UGT1A6: variants seen among roughly 807,000 people sequenced by gnomAD.
UGT1A6 encodes the protein UDP glucuronosyltransferase family 1 member A6.
A neutral mutation model predicts 44.4 loss-of-function variants in UGT1A6; 32 were observed. The ratio of observed to expected loss-of-function variants is 0.72; its 90% CI spans 0.54 to 0.97. The LOEUF is 0.97. UGT1A6 is among the 50% of genes least tolerant of loss of function. The pLI, the probability that UGT1A6 is intolerant of heterozygous loss-of-function variation, is 0.00. For synonymous variants in UGT1A6, 238 were observed against 248.5 expected (o/e 0.96, Z 0.40); for missense variants, 685 against 661.9 (o/e 1.03, Z -0.38).
intron 1 of UGT1A6, among the ~76,000 whole-genome samples, chr2:233,744,443 C>T (rs1003987688): frequency 1.2e-4 from 18 of 151,818 alleles, no homozygotes; most frequent in African/African-American, 3.9e-4. Flanking sequence ...ATACGTACTG[C>T]ATTAGAGATT....
Position 233,758,775 on chromosome 2 carries a change from G to C in UGT1A6, c.862-8259G>C, listed in dbSNP as rs534171239. Among the ~76,000 whole-genome samples the C allele has an allele frequency of 2.6e-5, 4 of 152,252 alleles. No individual in the cohort carries two copies. In the East Asian group the frequency reaches 7.7e-4, roughly 29 times the overall value. On this transcript the variant is annotated intron_variant, in intron 1 of 4. Coordinates refer to ENST00000305139, the MANE Select transcript of UGT1A6 (RefSeq NM_001072.4). ...AGTGATGTGTATGGTTCAAATGTTGGGATCTGTGCAGTTATCTTGGAATTG... is the reference window on the plus strand; with the variant it reads ...AGTGATGTGTATGGTTCAAATGTTGCGATCTGTGCAGTTATCTTGGAATTG...
At chr2:233,710,596 A>G (rs1219828092) in intron 1 of UGT1A6, among the ~76,000 whole-genome samples, 2 of 152,016 alleles carry the variant, frequency 1.3e-5, no homozygotes, top group Non-Finnish European at 2.9e-5. Context: ...GCACACCTTT[A>G]TTGGTTTGTT....
chr2:233,733,661 T>C (rs1200789776), intron 1 of UGT1A6, among the ~76,000 whole-genome samples: 1 of 152,240 alleles, frequency 6.6e-6, no homozygotes, highest in African/African-American at 2.4e-5. Context: ...GAAGCCGACT[T>C]GATCGATGTG....
chr2:233,719,821 T>G (rs2076806401), intron 1 of UGT1A6: 5 of 1,570,050 alleles, frequency 3.2e-6, no homozygotes, highest in Middle Eastern at 4.6e-4. Flanking sequence ...ACAGATAAAC[T>G]GTTGAGGGGC....
In UGT1A6 at chr2:233,760,861, T is replaced by C. The variant is rs776126400; in HGVS notation, c.862-6173T>C. 1.9e-6 allele frequency: 3 copies of C among 1,614,158 alleles called. No individual in the cohort carries two copies. The South Asian group carries it at 3.3e-5, about 18-fold the overall frequency. The stretch of plus-strand genomic sequence containing the variant: ...TACCCAGTGCCCCAACCCATTCTCC[T>C]ACGTGCCCAGGCCTCTCTCCTCTCA... On this transcript the variant is annotated intron_variant, in intron 1 of 4. Coordinates refer to ENST00000305139, the MANE Select transcript of UGT1A6 (RefSeq NM_001072.4).
At position 233,693,363 on chromosome 2, in the gene UGT1A6, GC is replaced by G; in HGVS notation, c.361del (p.Leu121CysfsTer16). ...TEYRNNMIVI[G>X]LYFINCQSLL... ...TACAGGAATAACATGATTGTTATTG[GC>G]CTGTACTTCATCAACTGCCAGAGCC... On this transcript the variant is annotated frameshift_variant, in exon 1 of 5. Coordinates refer to ENST00000305139, the MANE Select transcript of UGT1A6 (RefSeq NM_001072.4). LOFTEE classifies it high-confidence loss of function. 6.2e-7 allele frequency: 1 copy of G among 1,614,086 alleles called. No individual in the cohort carries two copies. The highest frequency in any genetic ancestry group is 8.5e-7 in the Non-Finnish European group (1 of 1,180,028).
rs1309329692 is a variant in UGT1A6, at chr2:233,769,709, G to A, written c.1301+1270G>A. 5 of 1,509,378 alleles carry A rather than the reference G, an allele frequency of 3.3e-6. No homozygotes were observed. The highest frequency in any genetic ancestry group is 2.0e-5 in the Admixed American group (1 of 49,512). The allele number at this position is 1,509,378 out of a possible 1,614,324, so 93.5% of individuals were successfully genotyped here. A position where few individuals can be genotyped will look rare whatever the true frequency, so the allele number is the denominator to read the frequency against. ...GGCACTGGATAAAAGATCAATGTTG[G>A]CTAGGCACCATGGCACACGCCTGTA... On this transcript the variant is annotated intron_variant, in intron 4 of 4. Transcript: ENST00000305139. The surrounding 1 kb of genome is among the most constrained non-coding windows in gnomAD (Gnocchi z 4.4).
chr2:233,724,868 A>G (rs2077326102), intron 1 of UGT1A6, among the ~76,000 whole-genome samples: 1 of 128,220 alleles, frequency 7.8e-6, no homozygotes, highest in African/African-American at 3.4e-5. Flanking sequence ...TGTAGGTTGT[A>G]GTGAGCGGAG....
intron 1 of UGT1A6, chr2:233,748,131 A>C: frequency 6.2e-7 from 1 of 1,610,240 alleles, no homozygotes; most frequent in Non-Finnish European, 8.5e-7. Context: ...ACAGTTTTTA[A>C]AAATTGTATT....
intron 1 of UGT1A6, among the ~76,000 whole-genome samples, chr2:233,759,447 C>G (rs1697141448): frequency 1.3e-5 from 2 of 152,254 alleles, no homozygotes; most frequent in Non-Finnish European, 2.9e-5. Context: ...TAAATCCAGG[C>G]CCAGTTAGCC....
intron 1 of UGT1A6, chr2:233,741,767 G>A (rs1691768451): frequency 6.6e-6 from 1 of 151,872 alleles, no homozygotes; most frequent in South Asian, 2.1e-4. Flanking sequence ...ATGTGTTCAG[G>A]CCATGATTTT....
intron 1 of UGT1A6, among the ~76,000 whole-genome samples, chr2:233,725,209 CAGAGGCAGAGGA>C (rs2077393142): frequency 1.2e-5 from 1 of 85,868 alleles, no homozygotes; most frequent in East Asian, 2.5e-4. Flanking sequence ...GAGGCAGAGG[CAGAGGCAGAGGA>C]GGCAGAGGCA....
At chr2:233,752,558 C>A (rs1695002027) in intron 1 of UGT1A6, 1 of 152,132 alleles carries the variant, frequency 6.6e-6, no homozygotes, top group Non-Finnish European at 1.5e-5. Context: ...GCTGGGACAA[C>A]ATAGTGGGTC....
intron 1 of UGT1A6, chr2:233,717,787 T>G (rs749121467): frequency 2.2e-6 from 1 of 456,322 alleles, no homozygotes; most frequent in Admixed American, 2.3e-5. Flanking sequence ...ATTTTGAAAT[T>G]TGAAGTAGTG....
Position 233,769,804 on chromosome 2 carries a change from G to A in UGT1A6, c.1301+1365G>A, listed in dbSNP as rs1028893693. On this transcript the variant is annotated intron_variant, in intron 4 of 4. Transcript: ENST00000305139. The surrounding 1 kb of genome is among the most constrained non-coding windows in gnomAD (Gnocchi z 4.4). ...CAGAAGTTGGAGGCTGCTATGAGCCGTGATCATGCCACTGCACTCCAGCAA... is the reference window on the plus strand; with the variant it reads ...CAGAAGTTGGAGGCTGCTATGAGCCATGATCATGCCACTGCACTCCAGCAA... 2.8e-5 allele frequency: 31 copies of A among 1,110,686 alleles called. No individual in the cohort carries two copies. The highest frequency in any genetic ancestry group is 1.3e-4 in the African/African-American group (8 of 62,658). The allele number at this position is 1,110,686 out of a possible 1,614,324, so 68.8% of individuals were successfully genotyped here.
At chr2:233,755,500 A>G (rs1249263278) in intron 1 of UGT1A6, 1 of 181,898 alleles carries the variant, frequency 5.5e-6, no homozygotes, top group Non-Finnish European at 1.2e-5. Flanking sequence ...ATGCTCCAAG[A>G]CCAGGCCCCG....
In UGT1A6 at chr2:233,760,405, T is replaced by C. The variant is rs1183811071; in HGVS notation, c.862-6629T>C. On this transcript the variant is annotated intron_variant, in intron 1 of 4. Transcript: ENST00000305139. Reference sequence around the variant, plus strand: ...GTTGATCCCAGTGGATGGCAGCCACTGGCTGAGCATGCTTGGGGCCATCCA... The same window carrying C: ...GTTGATCCCAGTGGATGGCAGCCACCGGCTGAGCATGCTTGGGGCCATCCA... 1.5e-5 allele frequency: 24 copies of C among 1,614,126 alleles called. No homozygotes were observed. Among genetic ancestry groups the C allele is most frequent in the Non-Finnish European group, 1.9e-5 (22 of 1,180,052 alleles).
chr2:233,721,049 T>C (rs1041518517), intron 1 of UGT1A6, among the ~76,000 whole-genome samples: 1 of 152,122 alleles, frequency 6.6e-6, no homozygotes, highest in Non-Finnish European at 1.5e-5. Context: ...GAGCCCTTTT[T>C]TGTCATATTC....
At chr2:233,732,493 G>C (rs141356640) in intron 1 of UGT1A6, among the ~76,000 whole-genome samples, 2 of 152,178 alleles carry the variant, frequency 1.3e-5, no homozygotes, top group African/African-American at 4.8e-5. Context: ...TGTATAAGGC[G>C]TAAGGAAGGG....
Sources: allele counts gnomAD v4.1 joint callset (sites outside exome capture counted in the v4.1 genomes callset), GRCh38; gene constraint gnomAD v4.1.1; non-coding constraint Gnocchi (gnomAD v3.1); transcripts MANE v1.5; gene names NCBI Gene and HGNC (gene_info 2026-07-23, HGNC 2026-07-21).